The following ZNF362 variants were observed in gnomAD, a reference collection of about 807,000 sequenced individuals.
The protein encoded by ZNF362 is zinc finger protein 362.
Under a neutral mutation model 42.9 loss-of-function variants are expected in ZNF362, and 11 were observed. The observed-to-expected ratio is 0.26, with a 90% CI of 0.16 to 0.42. The LOEUF (loss-of-function observed/expected upper bound fraction) is 0.42, where lower values mean the gene tolerates loss of function less well. Ranked by LOEUF, ZNF362 falls within the 20% of genes least tolerant of loss-of-function variation. The pLI, the probability that ZNF362 is intolerant of heterozygous loss-of-function variation, is 1.00. For synonymous variants in ZNF362, 255 were observed against 257.3 expected, an observed-to-expected ratio of 0.99 and a Z score of 0.09; for missense variants, 362 against 576.2, an observed-to-expected ratio of 0.63 and a Z score of 3.81.
chr1:33,143,755 A>ACAGAAACAGAAAGC, the ZNF362 span, among the ~76,000 whole-genome samples: 11 of 152,152 alleles, frequency 7.2e-5, no homozygotes, highest in Non-Finnish European at 1.0e-4. Context: ...GAAAGCCAAC[A>ACAGAAACAGAAAGC]CCAGTCCTGG....
chr1:33,159,844 G>A, the ZNF362 span: 550 of 1,613,500 alleles, frequency 3.4e-4, 1 homozygote, highest in East Asian at 5.1e-3. The surrounding 1 kb of genome is among the most constrained non-coding windows in gnomAD (Gnocchi z 4.2). Context: ...GGCCGTGTCC[G>A]CCTCCAGCTC....
At chr1:33,137,889 C>T in the ZNF362 span, among the ~76,000 whole-genome samples, 15 of 152,292 alleles carry the variant, frequency 9.8e-5, no homozygotes, top group African/African-American at 3.4e-4. Flanking sequence ...CAGGACCACC[C>T]AGGCCCCCAC....
chr1:33,195,977 C>A, the ZNF362 span: 1 of 152,104 alleles, frequency 6.6e-6, no homozygotes, highest in Non-Finnish European at 1.5e-5. Context: ...AACATGTACA[C>A]GTTGTACAGC....
the ZNF362 span, chr1:33,176,373 G>C: frequency 1.5e-6 from 1 of 679,574 alleles, no homozygotes. Flanking sequence ...TTGGGTGGCT[G>C]CCTTGGTGTC....
chr1:33,239,076 G>A, the ZNF362 span, among the ~76,000 whole-genome samples: 5 of 152,220 alleles, frequency 3.3e-5, no homozygotes, highest in Admixed American at 2.0e-4. Flanking sequence ...TGGGAGTACC[G>A]CTGTGAGCCA....
Position 33,281,193 on chromosome 1 carries a change from G to C in ZNF362, c.684-394G>C, listed in dbSNP as rs547551490. On this transcript the variant is annotated intron_variant, in intron 5 of 8. Transcript: ENST00000539719. The surrounding 1 kb of genome is among the most constrained non-coding windows in gnomAD (Gnocchi z 4.8). ...ATTTTCTGAGGATGGAAAGTATGGA[G>C]GGTGGGGCAGGCGTTGGTATTTCTT... 5.9e-5 allele frequency among the ~76,000 whole-genome samples: 9 copies of C among 152,334 alleles called. No individual in the cohort carries two copies. Among genetic ancestry groups the C allele is most frequent in the South Asian group, 2.1e-4 (1 of 4,832 alleles).
At chr1:33,275,438 C>T (rs1293478740) in intron 2 of ZNF362, 9 of 966,764 alleles carry the variant, frequency 9.3e-6, no homozygotes, top group East Asian at 1.1e-4. Context: ...TCATCCACGT[C>T]GTTGTAGGTC....
chr1:33,297,823 C>G (rs923863585), intron 8 of ZNF362, among the ~76,000 whole-genome samples: 1 of 152,220 alleles, frequency 6.6e-6, no homozygotes, highest in Non-Finnish European at 1.5e-5. Flanking sequence ...CTACATTATT[C>G]TTTTTAGATC....
the ZNF362 span, chr1:33,147,270 G>C: frequency 1.2e-6 from 2 of 1,614,170 alleles, no homozygotes; most frequent in African/African-American, 2.7e-5. The surrounding 1 kb of genome is among the most constrained non-coding windows in gnomAD (Gnocchi z 8.1). Flanking sequence ...GCTTGCCAGG[G>C]AACTTCTCGC....
At chr1:33,209,565 G>A in the ZNF362 span, among the ~76,000 whole-genome samples, 2 of 152,022 alleles carry the variant, frequency 1.3e-5, no homozygotes, top group Admixed American at 6.5e-5. Context: ...GACTTTTTTT[G>A]GTTGGTAAGC....
At chr1:33,288,849 G>T (rs1432112621) in intron 6 of ZNF362, among the ~76,000 whole-genome samples, 1 of 151,696 alleles carries the variant, frequency 6.6e-6, no homozygotes, top group Non-Finnish European at 1.5e-5. Context: ...GTGGGAAGAT[G>T]CCCTACAGAG....
chr1:33,180,092 GA>G, the ZNF362 span, among the ~76,000 whole-genome samples: 1 of 152,092 alleles, frequency 6.6e-6, no homozygotes, highest in Non-Finnish European at 1.5e-5. Flanking sequence ...GTTTGTCAGT[GA>G]AGACAGGAAG....
intron 2 of ZNF362, among the ~76,000 whole-genome samples, chr1:33,271,888 C>CTAAG (rs1645907042): frequency 1.3e-5 from 2 of 152,172 alleles, no homozygotes; most frequent in South Asian, 4.1e-4. Flanking sequence ...TAGGGGAAGA[C>CTAAG]TAAGTCCAGC....
rs914114615 is a variant in ZNF362, at chr1:33,275,235, C to T, written c.39-865C>T. ...CTAGGGTAGCAGGAAGACAAACCTT[C>T]TGGAAGACTGAGATAGCCCTGAAGG... On this transcript the variant is annotated intron_variant, in intron 2 of 8. Transcript: ENST00000539719. The T allele has an allele frequency of 7.1e-6, 7 of 985,308 alleles. No individual in the cohort carries two copies. The African/African-American group carries it at 1.2e-4, about 17-fold the overall frequency. 61.0% of individuals were successfully genotyped at this position (985,308 alleles called of 1,614,324 possible). A position where few individuals can be genotyped will look rare whatever the true frequency, so the allele number is the denominator to read the frequency against.
chr1:33,298,312 A>G (rs1646139525), intron 8 of ZNF362, among the ~76,000 whole-genome samples: 1 of 152,206 alleles, frequency 6.6e-6, no homozygotes, highest in Non-Finnish European at 1.5e-5. Context: ...ATTGTGCCAC[A>G]GCATTCCAGC....
chr1:33,132,883 C>T, the ZNF362 span, among the ~76,000 whole-genome samples: 1 of 152,232 alleles, frequency 6.6e-6, no homozygotes, highest in African/African-American at 2.4e-5. Flanking sequence ...TGAGAGGCAC[C>T]TCCTGTAACT....
At chr1:33,247,802 C>T in the ZNF362 span, among the ~76,000 whole-genome samples, 4 of 152,180 alleles carry the variant, frequency 2.6e-5, no homozygotes, top group African/African-American at 9.7e-5. Flanking sequence ...TGTCATCGGC[C>T]TCGCTTTCTG....
chr1:33,224,950 A>G, the ZNF362 span, among the ~76,000 whole-genome samples: 625 of 151,948 alleles, frequency 4.1e-3, 3 homozygotes, highest in African/African-American at 0.015. Context: ...AATAGGACTG[A>G]CAGTGGACTT....
chr1:33,235,716 G>C, the ZNF362 span, among the ~76,000 whole-genome samples: 1 of 152,188 alleles, frequency 6.6e-6, no homozygotes, highest in Non-Finnish European at 1.5e-5. Context: ...AAATTACTAA[G>C]AGGAAACATC....
Sources: allele counts gnomAD v4.1 joint callset (sites outside exome capture counted in the v4.1 genomes callset), GRCh38; gene constraint gnomAD v4.1.1; non-coding constraint Gnocchi (gnomAD v3.1); transcripts MANE v1.5; gene names NCBI Gene and HGNC (gene_info 2026-07-23, HGNC 2026-07-21).